CSMD3: variants seen among roughly 807,000 people sequenced by gnomAD.
The protein encoded by CSMD3 is CUB and Sushi multiple domains 3, also known as CUB and sushi domain-containing protein 3.
CSMD3 carries 177 observed loss-of-function variants against 435.2 expected under a neutral mutation model. The ratio of observed to expected loss-of-function variants is 0.41; its 90% CI spans 0.36 to 0.46. The LOEUF (loss-of-function observed/expected upper bound fraction) is 0.46, where lower values mean the gene tolerates loss of function less well. Ranked by LOEUF, CSMD3 falls within the 20% of genes least tolerant of loss-of-function variation. The pLI, the probability that CSMD3 is intolerant of heterozygous loss-of-function variation, is 0.34. For synonymous variants in CSMD3, 1,656 were observed against 1,520.5 expected (o/e 1.09, Z -2.07); for missense variants, 4,265 against 4,504.6 (o/e 0.95, Z 1.52).
intron 5 of CSMD3, among the ~76,000 whole-genome samples, chr8:113,037,985 C>T (rs994189075): frequency 1.6e-4 from 25 of 152,036 alleles, no homozygotes; most frequent in African/African-American, 6.0e-4. Context: ...TGGAAACACC[C>T]GTGCAGAATG....
chr8:112,502,672 A>AT (rs59569888), intron 30 of CSMD3, among the ~76,000 whole-genome samples: 51,858 of 152,014 alleles, frequency 0.34, 9,014 homozygotes, highest in East Asian at 0.51. Context: ...GTAATATTTG[A>AT]TTTTTTAAAG....
At chr8:113,206,359 A>T (rs999575257) in intron 3 of CSMD3, among the ~76,000 whole-genome samples, 1 of 152,112 alleles carries the variant, frequency 6.6e-6, no homozygotes, top group Non-Finnish European at 1.5e-5. Context: ...TCAATGTTTC[A>T]TTATTTTGCA....
At position 113,287,101 on chromosome 8, in the gene CSMD3, G is replaced by T. The variant is rs533825091; in HGVS notation, c.402-8397C>A. 7.9e-5 allele frequency among the ~76,000 whole-genome samples: 12 copies of T among 152,076 alleles called. No homozygotes were observed. In the East Asian group the frequency reaches 9.7e-4, roughly 12 times the overall value. On this transcript the variant is annotated intron_variant, in intron 2 of 70. Coordinates refer to ENST00000297405, the MANE Select transcript of CSMD3 (RefSeq NM_198123.2). ...GATAACAAATTGTCATTAAATATTAGTTTCTTTAGTGATGTGACTCAAACT... is the reference window on the plus strand; with the variant it reads ...GATAACAAATTGTCATTAAATATTATTTTCTTTAGTGATGTGACTCAAACT...
chr8:113,294,169 C>T (rs2093704000), intron 2 of CSMD3, among the ~76,000 whole-genome samples: 1 of 152,026 alleles, frequency 6.6e-6, no homozygotes, highest in Admixed American at 6.6e-5. Context: ...TAATTAGGAA[C>T]ATGAAACTAT....
chr8:113,281,255 G>A (rs1029861448), intron 2 of CSMD3, among the ~76,000 whole-genome samples: 1 of 151,812 alleles, frequency 6.6e-6, no homozygotes. Flanking sequence ...GTCTAGTACT[G>A]TCGGTGGAGT....
intron 3 of CSMD3, among the ~76,000 whole-genome samples, chr8:113,191,487 A>G (rs1050023405): frequency 6.6e-6 from 1 of 151,512 alleles, no homozygotes; most frequent in Non-Finnish European, 1.5e-5. Flanking sequence ...AAGTGAGAAC[A>G]TGTGATGTTT....
At chr8:112,628,500 C>G (rs768398198) in intron 22 of CSMD3, among the ~76,000 whole-genome samples, 2 of 151,966 alleles carry the variant, frequency 1.3e-5, no homozygotes, top group Non-Finnish European at 2.9e-5. Context: ...AGTGTGACAG[C>G]TGAGGTTGAA....
At chr8:112,319,877 T>A (rs765234064) in intron 46 of CSMD3, 24 bp downstream of exon 46, 2 of 1,544,130 alleles carry the variant, frequency 1.3e-6, no homozygotes, top group Admixed American at 3.3e-5. Context: ...TATGTTTTCC[T>A]TGAAAATAAT....
intron 10 of CSMD3, among the ~76,000 whole-genome samples, chr8:112,864,465 G>A (rs911590953): frequency 6.6e-6 from 1 of 151,958 alleles, no homozygotes; most frequent in Non-Finnish European, 1.5e-5. Flanking sequence ...TGGCCAGGCT[G>A]GTCTTGAACT....
chr8:112,413,789 G>A lies in CSMD3; in HGVS notation c.5396-4757C>T, dbSNP rs369998946. 3.3e-5 allele frequency among the ~76,000 whole-genome samples: 5 copies of A among 152,208 alleles called. No individual in the cohort carries two copies. The East Asian group carries it at 7.7e-4, about 24-fold the overall frequency. ...CTACCACTGCTAGCAGTCTCTCCTC[G>A]AACAATGTTTAATCAGGCTCTTCTG... On this transcript the variant is annotated intron_variant, in intron 32 of 70. Coordinates refer to ENST00000297405, the MANE Select transcript of CSMD3 (RefSeq NM_198123.2).
intron 22 of CSMD3, among the ~76,000 whole-genome samples, chr8:112,608,254 TA>T (rs1170709092): frequency 7.9e-5 from 12 of 151,258 alleles, no homozygotes; most frequent in Non-Finnish European, 1.5e-4. Context: ...ACGAAGGAGG[TA>T]AAAGGTACAC....
At chr8:112,357,500 G>A (rs534126982) in intron 38 of CSMD3, among the ~76,000 whole-genome samples, 12 of 152,340 alleles carry the variant, frequency 7.9e-5, no homozygotes, top group African/African-American at 2.9e-4. Flanking sequence ...GCAATGAGGA[G>A]TCGAATGTTA....
chr8:112,390,582 A>G (rs1356403149), intron 36 of CSMD3, 82 bp downstream of exon 36: 1 of 1,196,050 alleles, frequency 8.4e-7, no homozygotes, highest in Non-Finnish European at 1.2e-6. Flanking sequence ...CTAAACTTTT[A>G]GAAATAATGT....
At chr8:113,125,194 T>C (rs1225959889) in intron 4 of CSMD3, among the ~76,000 whole-genome samples, 1 of 151,968 alleles carries the variant, frequency 6.6e-6, no homozygotes, top group African/African-American at 2.4e-5. Context: ...CAAGGAATTT[T>C]TTTGAGAGTG....
At chr8:113,246,930 C>T (rs896194752) in intron 3 of CSMD3, among the ~76,000 whole-genome samples, 2 of 152,286 alleles carry the variant, frequency 1.3e-5, no homozygotes, top group South Asian at 4.1e-4. Context: ...CTGGGATACA[C>T]ATGCAATGCT....
At chr8:112,642,715 C>T (rs1179346981) in intron 20 of CSMD3, among the ~76,000 whole-genome samples, 1 of 133,810 alleles carries the variant, frequency 7.5e-6, no homozygotes, top group Non-Finnish European at 1.6e-5. Flanking sequence ...AAAGCTTGCA[C>T]TGAAGATAGA....
chr8:113,273,194 T>C (rs2093543254), intron 3 of CSMD3, among the ~76,000 whole-genome samples: 1 of 151,984 alleles, frequency 6.6e-6, no homozygotes, highest in Non-Finnish European at 1.5e-5. Flanking sequence ...TTCTTGATTA[T>C]TGAGATCCCA....
At chr8:112,286,239 T>C (rs1338913840) in intron 58 of CSMD3, among the ~76,000 whole-genome samples, 1 of 152,182 alleles carries the variant, frequency 6.6e-6, no homozygotes, top group Non-Finnish European at 1.5e-5. Flanking sequence ...CATTTTCTCT[T>C]GTCTCTACAA....
At chr8:112,613,707 C>T (rs552493133) in intron 22 of CSMD3, among the ~76,000 whole-genome samples, 1 of 152,164 alleles carries the variant, frequency 6.6e-6, no homozygotes, top group African/African-American at 2.4e-5. Context: ...ATGTACCAAA[C>T]ACTATGCTCT....
Sources: gnomAD v4.1 joint callset for allele counts (sites outside exome capture counted in the v4.1 genomes callset) on GRCh38, gnomAD v4.1.1 for gene constraint, MANE v1.5 for transcripts, NCBI Gene and HGNC (gene_info 2026-07-23, HGNC 2026-07-21) for gene names.